The following ESR1 variants were observed in gnomAD, a reference collection of about 807,000 sequenced individuals.
The protein encoded by ESR1 is estrogen receptor 1.
ESR1 carries 12 observed loss-of-function variants against 52.7 expected under a neutral mutation model. The ratio of observed to expected loss-of-function variants is 0.23; its 90% CI spans 0.15 to 0.37. ESR1 has a LOEUF of 0.37. Among genes scored for constraint, ESR1 ranks in the 10% least tolerant of loss-of-function variants. The pLI, the probability that ESR1 is intolerant of heterozygous loss-of-function variation, is 1.00. For missense variants in ESR1, 584 were observed against 779.7 expected (o/e 0.75, Z 2.99); for synonymous variants, 305 against 316.8 (o/e 0.96, Z 0.39).
chr6:151,788,216 C>T (rs1420476252), intron 2 of ESR1, among the ~76,000 whole-genome samples: 1 of 152,106 alleles, frequency 6.6e-6, no homozygotes, highest in East Asian at 1.9e-4. Context: ...ATGCGTCTAA[C>T]CAAGGTCTAC....
intron 2 of ESR1, among the ~76,000 whole-genome samples, chr6:151,853,217 G>GAA (rs1203055972): frequency 3.0e-5 from 4 of 135,230 alleles, no homozygotes; most frequent in Non-Finnish European, 6.2e-5. Flanking sequence ...AAGAAAGAAG[G>GAA]AAAAAGAAAG....
At chr6:151,780,053 A>G (rs1331622008) in intron 2 of ESR1, among the ~76,000 whole-genome samples, 1 of 152,072 alleles carries the variant, frequency 6.6e-6, no homozygotes, top group East Asian at 1.9e-4. Context: ...AGAAAACCAA[A>G]CACTGCATGT....
chr6:152,035,919 T>G (rs183382392), intron 5 of ESR1, among the ~76,000 whole-genome samples: 1 of 152,232 alleles, frequency 6.6e-6, no homozygotes, highest in African/African-American at 2.4e-5. Context: ...CAGATGAATG[T>G]AGGACTTAAT....
At chr6:151,683,176 T>C (rs1003199658) in intron 1 of ESR1, among the ~76,000 whole-genome samples, 3 of 152,186 alleles carry the variant, frequency 2.0e-5, no homozygotes, top group Non-Finnish European at 4.4e-5. Context: ...TATCTTTTAC[T>C]TCTTGTTCCT....
chr6:151,993,855 G>A (rs1370491476), intron 4 of ESR1, among the ~76,000 whole-genome samples: 2 of 152,106 alleles, frequency 1.3e-5, no homozygotes, highest in Non-Finnish European at 2.9e-5. Flanking sequence ...TGGACACACT[G>A]CCACTTAATA....
rs183945792 is a variant in ESR1 at position 151,979,732 on chromosome 6, A to C, written c.1097-31924A>C. Reference sequence around the variant, plus strand: ...ACCTGGGTAAATATTCCTCCTTTTCAGAAATGTTTGCAATGTTGCTTTTTT... The same window carrying C: ...ACCTGGGTAAATATTCCTCCTTTTCCGAAATGTTTGCAATGTTGCTTTTTT... On this transcript the variant is annotated intron_variant, in intron 4 of 7. Transcript: ENST00000206249. Among the ~76,000 whole-genome samples, 10 of 152,274 alleles carry C rather than the reference A, an allele frequency of 6.6e-5. No individual in the cohort carries two copies. The East Asian group carries it at 1.9e-3, about 29-fold the overall frequency.
chr6:151,721,432 G>T (rs892757162), intron 2 of ESR1, among the ~76,000 whole-genome samples: 2 of 152,234 alleles, frequency 1.3e-5, no homozygotes, highest in African/African-American at 4.8e-5. Flanking sequence ...CATTTTGGCT[G>T]TAATACAGAA....
intron 2 of ESR1, among the ~76,000 whole-genome samples, chr6:151,874,935 G>A (rs1791562705): frequency 6.6e-6 from 1 of 152,148 alleles, no homozygotes; most frequent in Non-Finnish European, 1.5e-5. Context: ...ATCATTATTA[G>A]TAAAATGAAC....
At position 152,065,021 on chromosome 6, in the gene ESR1, A is replaced by G. The variant is rs145562216; in HGVS notation, c.1369+3897A>G. 4.6e-3 allele frequency among the ~76,000 whole-genome samples: 701 copies of G among 152,334 alleles called. 7 individuals carry two copies. The highest frequency in any genetic ancestry group is 0.031 in the South Asian group (152 of 4,826). Reference sequence around the variant, plus strand: ...GACCATTGTAGGCCCTTAGTCAACAACAGCTATCATCATCACTGATGAGAA... The same window carrying G: ...GACCATTGTAGGCCCTTAGTCAACAGCAGCTATCATCATCACTGATGAGAA... On this transcript the variant is annotated intron_variant, in intron 6 of 7. Transcript: ENST00000206249.
At chr6:152,068,442 G>A (rs944149599) in intron 6 of ESR1, among the ~76,000 whole-genome samples, 1 of 152,126 alleles carries the variant, frequency 6.6e-6, no homozygotes, top group Non-Finnish European at 1.5e-5. Context: ...GAGGAGGGGA[G>A]CTTTGAGAAA....
chr6:151,705,064 A>G (rs1582952379), intron 2 of ESR1, among the ~76,000 whole-genome samples: 3 of 151,972 alleles, frequency 2.0e-5, no homozygotes, highest in African/African-American at 7.2e-5. Flanking sequence ...TCCACTGTGA[A>G]ATGATATTTG....
intron 2 of ESR1, among the ~76,000 whole-genome samples, chr6:151,863,575 C>A (rs2128292208): frequency 6.6e-6 from 1 of 152,272 alleles, no homozygotes; most frequent in East Asian, 1.9e-4. Flanking sequence ...GATATACAAT[C>A]ATGTCATCTG....
At chr6:151,943,049 ATTTCGTAATT>A (rs1472869465) in intron 3 of ESR1, among the ~76,000 whole-genome samples, 1 of 152,156 alleles carries the variant, frequency 6.6e-6, no homozygotes, top group East Asian at 1.9e-4. Flanking sequence ...TCTTCACCCC[ATTTCGTAATT>A]TAGTTAGTGA....
intron 4 of ESR1, among the ~76,000 whole-genome samples, chr6:151,984,511 T>C (rs2040272391): frequency 6.6e-6 from 1 of 152,128 alleles, no homozygotes; most frequent in Non-Finnish European, 1.5e-5. Context: ...TGCAGAACTT[T>C]TTACACACAA....
At chr6:151,857,923 A>G (rs922825684) in intron 2 of ESR1, among the ~76,000 whole-genome samples, 2 of 152,184 alleles carry the variant, frequency 1.3e-5, no homozygotes, top group African/African-American at 2.4e-5. Flanking sequence ...TTCTTTTTGC[A>G]TATCTGTATT....
At chr6:151,689,881 A>G (rs1322116367), upstream of ESR1, among the ~76,000 whole-genome samples, 1 of 152,216 alleles carries the variant, frequency 6.6e-6, no homozygotes, top group Non-Finnish European at 1.5e-5. Context: ...ATGATTTTAC[A>G]GCCCCTTTGC....
intron 2 of ESR1, among the ~76,000 whole-genome samples, chr6:151,879,355 A>G (rs1279117182): frequency 6.6e-6 from 1 of 152,152 alleles, no homozygotes; most frequent in African/African-American, 2.4e-5. Flanking sequence ...TTTTGGGGTA[A>G]CTAAGGTGGA....
chr6:151,681,804 G>A (rs1213549296), intron 1 of ESR1, among the ~76,000 whole-genome samples: 1 of 152,148 alleles, frequency 6.6e-6, no homozygotes, highest in East Asian at 1.9e-4. Context: ...GGTGGGGGAG[G>A]CGGTGCTTTC....
At chr6:151,982,980 A>T (rs1173586281) in intron 4 of ESR1, among the ~76,000 whole-genome samples, 2 of 152,180 alleles carry the variant, frequency 1.3e-5, no homozygotes, top group South Asian at 2.1e-4. Flanking sequence ...TCTTCCAAAT[A>T]TACTTGAAAG....
Sources: allele counts gnomAD v4.1 joint callset (sites outside exome capture counted in the v4.1 genomes callset), GRCh38; gene constraint gnomAD v4.1.1; transcripts MANE v1.5; gene names NCBI Gene and HGNC (gene_info 2026-07-23, HGNC 2026-07-21).